ST18: variants seen among roughly 807,000 people sequenced by gnomAD.
The protein encoded by ST18 is ST18 C2H2C-type zinc finger transcription factor.
In ST18, 50 loss-of-function variants were observed where a neutral mutation model predicts 110.0. The ratio of observed to expected loss-of-function variants is 0.45; its 90% confidence interval spans 0.36 to 0.58. ST18 has a LOEUF of 0.58. Among genes scored for constraint, ST18 ranks in the 20% least tolerant of loss-of-function variants. The pLI, the probability that ST18 is intolerant of heterozygous loss-of-function variation, is 0.00. For synonymous variants in ST18, 461 were observed against 452.4 expected, an observed-to-expected ratio of 1.02 and a Z score of -0.24; for missense variants, 1,306 against 1,280.1, an observed-to-expected ratio of 1.02 and a Z score of -0.31.
At chr8:52,152,585 T>G (rs2059094645) in intron 15 of ST18, among the ~76,000 whole-genome samples, 1 of 152,260 alleles carries the variant, frequency 6.6e-6, no homozygotes, top group Admixed American at 6.5e-5. Flanking sequence ...ACATTTTATT[T>G]ATTCATTAAG....
chr8:52,167,814 G>C (rs2063521733), intron 10 of ST18, among the ~76,000 whole-genome samples: 1 of 152,186 alleles, frequency 6.6e-6, no homozygotes, highest in African/African-American at 2.4e-5. Flanking sequence ...GGAGCAGCCG[G>C]TCATGGTAAG....
intron 2 of ST18, among the ~76,000 whole-genome samples, chr8:52,285,574 G>T (rs889232810): frequency 6.6e-6 from 1 of 152,182 alleles, no homozygotes; most frequent in Non-Finnish European, 1.5e-5. Context: ...CAAGAAAAAG[G>T]TGGCTGCCAA....
intron 2 of ST18, among the ~76,000 whole-genome samples, chr8:52,293,660 T>C (rs2095589734): frequency 6.6e-6 from 1 of 152,208 alleles, no homozygotes; most frequent in African/African-American, 2.4e-5. Context: ...TTATATTTGC[T>C]GCTTTTATTT....
intron 23 of ST18, among the ~76,000 whole-genome samples, chr8:52,123,799 G>T (rs1398174073): frequency 6.6e-6 from 1 of 152,218 alleles, no homozygotes; most frequent in Non-Finnish European, 1.5e-5. Flanking sequence ...ACCACCTGCT[G>T]CTGGCCCCCT....
At chr8:52,400,968 G>T (rs892231593) in intron 2 of ST18, among the ~76,000 whole-genome samples, 1 of 151,978 alleles carries the variant, frequency 6.6e-6, no homozygotes, top group African/African-American at 2.4e-5. Context: ...TTTTGTTTCT[G>T]GTTAAACAAT....
intron 2 of ST18, among the ~76,000 whole-genome samples, chr8:52,393,328 A>G (rs1839933064): frequency 6.6e-6 from 1 of 152,224 alleles, no homozygotes; most frequent in African/African-American, 2.4e-5. Context: ...AGAGTTCACA[A>G]CAGGCGAGAG....
chr8:52,337,310 G>A (rs1263899800), intron 2 of ST18, among the ~76,000 whole-genome samples: 2 of 152,096 alleles, frequency 1.3e-5, no homozygotes, highest in Admixed American at 6.5e-5. Flanking sequence ...ATGATTTTTC[G>A]GTGCAATTTG....
At chr8:52,154,113 T>C (rs1049899090) in intron 15 of ST18, among the ~76,000 whole-genome samples, 4 of 152,222 alleles carry the variant, frequency 2.6e-5, no homozygotes, top group African/African-American at 9.6e-5. Flanking sequence ...CTTGCACCTG[T>C]ATCAACCAGT....
At chr8:52,402,521 G>A (rs373565170) in intron 2 of ST18, among the ~76,000 whole-genome samples, 2 of 152,146 alleles carry the variant, frequency 1.3e-5, no homozygotes, top group Admixed American at 1.3e-4. Flanking sequence ...AGGGAAGAAG[G>A]GGTGTTCTAG....
chr8:52,181,427 G>T (rs910489761), intron 8 of ST18, among the ~76,000 whole-genome samples: 1 of 152,154 alleles, frequency 6.6e-6, no homozygotes, highest in Non-Finnish European at 1.5e-5. Context: ...AGAAGAGTAG[G>T]TTCAAAAACT....
intron 2 of ST18, among the ~76,000 whole-genome samples, chr8:52,269,183 A>C (rs1490696255): frequency 6.6e-6 from 1 of 152,226 alleles, no homozygotes; most frequent in African/African-American, 2.4e-5. Context: ...CACCTGAATA[A>C]GTGACCCATC....
chr8:52,205,218 T>C (rs1393523233), intron 8 of ST18, among the ~76,000 whole-genome samples: 1 of 150,598 alleles, frequency 6.6e-6, no homozygotes, highest in Non-Finnish European at 1.5e-5. Flanking sequence ...ATACATGTAA[T>C]AAAAACTGGA....
At chr8:52,128,556 T>C (rs2047984278) in intron 22 of ST18, among the ~76,000 whole-genome samples, 1 of 152,178 alleles carries the variant, frequency 6.6e-6, no homozygotes, top group Non-Finnish European at 1.5e-5. Flanking sequence ...GGTTTGAAGG[T>C]AGTTATTATA....
intron 15 of ST18, among the ~76,000 whole-genome samples, chr8:52,152,497 T>A (rs2059066345): frequency 6.6e-6 from 1 of 152,260 alleles, no homozygotes; most frequent in African/African-American, 2.4e-5. Flanking sequence ...GGATTACTAC[T>A]ATTCATGTTC....
chr8:52,280,147 G>A (rs1279620122), intron 2 of ST18, among the ~76,000 whole-genome samples: 1 of 151,826 alleles, frequency 6.6e-6, no homozygotes, highest in Non-Finnish European at 1.5e-5. Context: ...AAATTTGTAG[G>A]AATAACCGCT....
chr8:52,351,130 A>T (rs1820131507), intron 2 of ST18, among the ~76,000 whole-genome samples: 1 of 152,208 alleles, frequency 6.6e-6, no homozygotes. Flanking sequence ...AAATAAATAA[A>T]TATCAAAATA....
intron 2 of ST18, among the ~76,000 whole-genome samples, chr8:52,260,440 G>A (rs1564356380): frequency 7.2e-6 from 1 of 138,136 alleles, no homozygotes; most frequent in Non-Finnish European, 1.5e-5. Flanking sequence ...TGTGACATGT[G>A]GCATCACCAG....
intron 2 of ST18, among the ~76,000 whole-genome samples, chr8:52,343,199 G>A (rs1815975594): frequency 6.6e-6 from 1 of 152,100 alleles, no homozygotes; most frequent in South Asian, 2.1e-4. Context: ...TGGGGGTGAG[G>A]AGGGCAAGTG....
At chr8:52,311,473 A>G (rs1221995218) in intron 2 of ST18, among the ~76,000 whole-genome samples, 2 of 152,130 alleles carry the variant, frequency 1.3e-5, no homozygotes, top group Admixed American at 1.3e-4. Context: ...AAATCTTCTA[A>G]TGATCCCATT....
Sources: gnomAD v4.1 joint callset for allele counts (sites outside exome capture counted in the v4.1 genomes callset) on GRCh38, gnomAD v4.1.1 for gene constraint, MANE v1.5 for transcripts, NCBI Gene and HGNC (gene_info 2026-07-23, HGNC 2026-07-21) for gene names.